Variants in KTN1 observed in about 807,000 individuals in gnomAD.
KTN1 encodes kinectin.
In KTN1, 130 loss-of-function variants were observed where a neutral mutation model predicts 222.5. That is an observed-to-expected ratio of 0.58 (90% CI 0.51 to 0.68). KTN1 has a LOEUF of 0.68. Ranked by LOEUF, KTN1 falls within the 30% of genes least tolerant of loss-of-function variation. The probability of loss-of-function intolerance (pLI) is 0.00; values close to 1 mark genes in which losing one functional copy is unlikely to be tolerated. For missense variants in KTN1, 1,508 were observed against 1,500.4 expected (o/e 1.01, Z -0.08); for synonymous variants, 512 against 496.3 (o/e 1.03, Z -0.42).
intron 4 of KTN1, 133 bp downstream of exon 4, chr14:55,618,267 T>C (rs2038669031): frequency 7.8e-6 from 5 of 644,116 alleles, no homozygotes; most frequent in Non-Finnish European, 1.2e-5. Flanking sequence ...AGAAGACTTA[T>C]TGGTAGTCTT....
chr14:55,611,670 A>G (rs551835620), intron 1 of KTN1, among the ~76,000 whole-genome samples: 1 of 152,302 alleles, frequency 6.6e-6, no homozygotes, highest in Non-Finnish European at 1.5e-5. Flanking sequence ...AACACTGTAC[A>G]ATAAACAAAA....
chr14:55,639,182 T>C lies in KTN1; in HGVS notation c.1786-3T>C, dbSNP rs751993554. The C allele has an allele frequency of 6.3e-7, 1 of 1,597,332 alleles. No individual in the cohort carries two copies. Among genetic ancestry groups the C allele is most frequent in the Non-Finnish European group, 8.6e-7 (1 of 1,165,416 alleles). On this transcript the variant is annotated splice_region_variant and splice_polypyrimidine_tract_variant and intron_variant, in intron 12 of 43. Coordinates refer to ENST00000395314, the MANE Select transcript of KTN1 (RefSeq NM_001079521.2). ...TTATGTTGACACTATTTTTCTTTCT[T>C]AGACCTCCGCTTCAGTTCTAGCAGA...
chr14:55,603,640 T>A (rs1594785026), intron 1 of KTN1, among the ~76,000 whole-genome samples: 1 of 152,226 alleles, frequency 6.6e-6, no homozygotes, highest in Non-Finnish European at 1.5e-5. Flanking sequence ...CCCATTTGTT[T>A]GGGATTTTAT....
intron 42 of KTN1, chr14:55,678,967 C>G (rs1364873274): frequency 1.3e-5 from 2 of 157,302 alleles, no homozygotes; most frequent in African/African-American, 4.8e-5. Context: ...TATTGCTGGC[C>G]TAGAGTATAG....
chr14:55,604,499 A>C lies in KTN1; in HGVS notation c.-30-7520A>C, dbSNP rs541809880. On this transcript the variant is annotated intron_variant, in intron 1 of 43. Transcript: ENST00000395314. ...TTAAATAATTAAAAAAAATTAAATA[A>C]AATTTAATGACTGTCCACATCTTCC... 2.6e-5 allele frequency among the ~76,000 whole-genome samples: 4 copies of C among 152,240 alleles called. No individual in the cohort carries two copies. The South Asian group carries it at 8.3e-4, about 32-fold the overall frequency.
chr14:55,612,482 C>T lies in KTN1; in HGVS notation c.434C>T (p.Pro145Leu). The change falls in exon 2 of 44, where the codon CCT becomes CTT. Residue 145 changes from proline to leucine, a missense_variant. Transcript: ENST00000395314. ...AAGATTCCTGGCAAAAAAGTAGAAC[C>T]TGTCCCAGTTACTAAACAGCCCACC... ...ASKIPGKKVE[P>L]VPVTKQPTPP... The T allele has an allele frequency of 6.2e-7, 1 of 1,614,092 alleles. No homozygotes were observed. Among genetic ancestry groups the T allele is most frequent in the Non-Finnish European group, 8.5e-7 (1 of 1,179,998 alleles).
Position 55,580,237 on chromosome 14 carries a change from ACGGCACCTGAGCGACTG to A in KTN1, c.-143_-127del, listed in dbSNP as rs1231587706. 2.0e-5 allele frequency: 3 copies of A among 149,106 alleles called. No homozygotes were observed. The highest frequency in any genetic ancestry group is 7.5e-5 in the African/African-American group (3 of 40,202). The allele number at this position is 149,106 out of a possible 1,614,324, so 9.2% of individuals were successfully genotyped here. ...CGCCCGTTTCCTGCCGAGCGGCGCG[ACGGCACCTGAGCGACTG>A]CGGCGGCGGCGGCGGCGGCGGCGGC... On this transcript the variant is annotated 5_prime_UTR_variant, in exon 1 of 44. Coordinates refer to ENST00000395314, the MANE Select transcript of KTN1 (RefSeq NM_001079521.2).
At chr14:55,649,869 G>A in intron 22 of KTN1, 56 bp downstream of exon 22, 2 of 894,538 alleles carry the variant, frequency 2.2e-6, no homozygotes, top group Non-Finnish European at 3.4e-6. Context: ...TTTTTTTTTT[G>A]TGTGTGCTTA....
chr14:55,621,842 A>G (rs1386311984), intron 5 of KTN1, among the ~76,000 whole-genome samples: 1 of 138,516 alleles, frequency 7.2e-6, no homozygotes, highest in Non-Finnish European at 1.5e-5. Flanking sequence ...GATGATTTAT[A>G]TTACTTTTTT....
At chr14:55,617,510 G>A (rs2038553150) in intron 3 of KTN1, among the ~76,000 whole-genome samples, 1 of 152,152 alleles carries the variant, frequency 6.6e-6, no homozygotes, top group South Asian at 2.1e-4. Context: ...GAAATGAGAA[G>A]CTATCTGCAA....
intron 21 of KTN1, 121 bp downstream of exon 21, chr14:55,648,991 T>A (rs1173416120): frequency 1.5e-6 from 1 of 671,034 alleles, no homozygotes; most frequent in Non-Finnish European, 2.6e-6. Flanking sequence ...AGTGGTACAA[T>A]CATAACTCAC....
chr14:55,626,409 G>A (rs527428266), intron 5 of KTN1, among the ~76,000 whole-genome samples: 30 of 152,080 alleles, frequency 2.0e-4, no homozygotes, highest in African/African-American at 6.3e-4. Flanking sequence ...GTTTCATCTC[G>A]TTTTGTGTTA....
chr14:55,641,917 A>T (rs907854043), intron 18 of KTN1, among the ~76,000 whole-genome samples, 157 bp downstream of exon 18: 5 of 152,148 alleles, frequency 3.3e-5, no homozygotes, highest in Admixed American at 6.5e-5. Flanking sequence ...AATTCAGGAA[A>T]TTTTTTCTCC....
intron 1 of KTN1, among the ~76,000 whole-genome samples, chr14:55,599,242 T>C (rs1333379683): frequency 6.6e-6 from 1 of 152,186 alleles, no homozygotes; most frequent in Non-Finnish European, 1.5e-5. Context: ...AAATTTTTGT[T>C]TTAATAGTCT....
intron 2 of KTN1, among the ~76,000 whole-genome samples, chr14:55,614,382 T>C (rs2038045082): frequency 6.6e-6 from 1 of 152,146 alleles, no homozygotes; most frequent in Non-Finnish European, 1.5e-5. Context: ...AGAAACAAAG[T>C]TGAGAAGTAT....
chr14:55,631,362 A>ATATATATATATATATG (rs2040512827), intron 7 of KTN1, among the ~76,000 whole-genome samples: 1 of 145,130 alleles, frequency 6.9e-6, no homozygotes, highest in African/African-American at 2.5e-5. Flanking sequence ...ATATATATAT[A>ATATATATATATATATG]TATATATGTA....
chr14:55,665,657 A>T (rs543061610), intron 33 of KTN1, among the ~76,000 whole-genome samples: 1 of 152,132 alleles, frequency 6.6e-6, no homozygotes, highest in East Asian at 1.9e-4. Flanking sequence ...TCTTTACAGG[A>T]TTATTTTTAA....
At chr14:55,649,652 A>G in intron 21 of KTN1, 124 bp from the exon 22 acceptor site, 1 of 621,222 alleles carries the variant, frequency 1.6e-6, no homozygotes, top group Non-Finnish European at 2.8e-6. Context: ...TCTCGAAAGA[A>G]TGCCTGGGCT....
intron 1 of KTN1, among the ~76,000 whole-genome samples, chr14:55,594,900 G>A (rs2034764976): frequency 6.6e-6 from 1 of 152,190 alleles, no homozygotes. Context: ...TTTTTGGGAA[G>A]TCTGTTTCTT....
Sources: allele counts gnomAD v4.1 joint callset (sites outside exome capture counted in the v4.1 genomes callset), GRCh38; gene constraint gnomAD v4.1.1; transcripts MANE v1.5; gene names NCBI Gene and HGNC (gene_info 2026-07-23, HGNC 2026-07-21).